The following RPL37 variants were observed in gnomAD, a reference collection of about 807,000 sequenced individuals.
RPL37 encodes the protein large ribosomal subunit protein eL37.
In RPL37, 1 loss-of-function variant was observed where a neutral mutation model predicts 14.8. The ratio of observed to expected loss-of-function variants is 0.07; its 90% CI spans 0.02 to 0.32. The LOEUF (loss-of-function observed/expected upper bound fraction) is 0.32, where lower values mean the gene tolerates loss of function less well. Among genes scored for constraint, RPL37 ranks in the 10% least tolerant of loss-of-function variants. The pLI is 1.00. For synonymous variants in RPL37, 53 were observed against 45.8 expected, an observed-to-expected ratio of 1.16 and a Z score of -0.63; for missense variants, 100 against 128.3, an observed-to-expected ratio of 0.78 and a Z score of 1.06.
intron 3 of RPL37, 178 bp downstream of exon 3, chr5:40,834,003 C>T: frequency 1.7e-6 from 1 of 596,382 alleles, no homozygotes; most frequent in Non-Finnish European, 3.0e-6. Flanking sequence ...CGTGATCGTG[C>T]CACTACACTC....
chr5:40,835,082 C>T (rs2112159573), intron 1 of RPL37, 101 bp downstream of exon 1: 1 of 1,528,528 alleles, frequency 6.5e-7, no homozygotes, highest in Non-Finnish European at 9.0e-7. Flanking sequence ...CCCACCAGTT[C>T]CCCTTATCCG....
In RPL37 at chr5:40,834,625, A is replaced by G; in HGVS notation, c.4-19T>C. 1 of 1,589,852 alleles carries G rather than the reference A, an allele frequency of 6.3e-7. No homozygotes were observed. The highest frequency in any genetic ancestry group is 2.2e-5 in the East Asian group (1 of 44,602). On this transcript the variant is annotated intron_variant, in intron 1 of 3. Coordinates refer to ENST00000274242, the MANE Select transcript of RPL37 (RefSeq NM_000997.5). ...CCTTCGTCTGCACATTAAAGGAATA[A>G]ATAGTTCTGAAACCTGGCAACTTCT...
rs956818920 is a variant in RPL37, at chr5:40,825,288, G to C, written c.*7216C>G. The stretch of plus-strand genomic sequence containing the variant: ...TTCATTGTACAATATCTTTATTAAA[G>C]AAATGCATTCCAGCAACACTGTCAG... On this transcript the variant is annotated 3_prime_UTR_variant, in exon 4 of 4. Coordinates refer to ENST00000274242, the MANE Select transcript of RPL37 (RefSeq NM_000997.5). 6.6e-6 allele frequency: 1 copy of C among 152,148 alleles called. No individual in the cohort carries two copies. Among genetic ancestry groups the C allele is most frequent in the African/African-American group, 2.4e-5 (1 of 41,432 alleles). 9.4% of individuals were successfully genotyped at this position (152,148 alleles called of 1,614,324 possible).
rs893183358 is a variant in RPL37, at chr5:40,830,472, T to G, written c.*2032A>C. On this transcript the variant is annotated 3_prime_UTR_variant, in exon 4 of 4. Transcript: ENST00000274242. Reference sequence around the variant, plus strand: ...AAGATCCACTGCTTATTTTGTTTCATTTGAAAATTTGAGTCATTAGTTCAA... The same window carrying G: ...AAGATCCACTGCTTATTTTGTTTCAGTTGAAAATTTGAGTCATTAGTTCAA... 6 of 151,174 alleles carry G rather than the reference T, an allele frequency of 4.0e-5. No individual in the cohort carries two copies. The highest frequency in any genetic ancestry group is 2.0e-4 in the Admixed American group (3 of 15,152). The allele number at this position is 151,174 out of a possible 1,614,324, so 9.4% of individuals were successfully genotyped here. A position where few individuals can be genotyped will look rare whatever the true frequency, so the allele number is the denominator to read the frequency against.
intron 1 of RPL37, chr5:40,834,965 G>A: frequency 3.0e-6 from 2 of 662,534 alleles, no homozygotes; most frequent in Non-Finnish European, 5.2e-6. Context: ...CCGAGGCAAA[G>A]GACACAATGC....
intron 3 of RPL37, among the ~76,000 whole-genome samples, chr5:40,833,375 A>G (rs757260619): frequency 2.0e-5 from 3 of 152,240 alleles, no homozygotes; most frequent in Admixed American, 6.5e-5. Flanking sequence ...CGGAAGGAGC[A>G]CCAGCTTTAT....
In RPL37 at chr5:40,829,344, T is replaced by C. The variant is rs1018608172; in HGVS notation, c.*3160A>G. On this transcript the variant is annotated 3_prime_UTR_variant, in exon 4 of 4. Coordinates refer to ENST00000274242, the MANE Select transcript of RPL37 (RefSeq NM_000997.5). ...AGAATAACTATTCCTAACATTCTGG[T>C]TTAAATCCTCTGTAATTTCTCAAGA... 6.6e-6 allele frequency: 1 copy of C among 152,192 alleles called. No individual in the cohort carries two copies. The highest frequency in any genetic ancestry group is 2.4e-5 in the African/African-American group (1 of 41,454). 9.4% of individuals were successfully genotyped at this position (152,192 alleles called of 1,614,324 possible). A position where few individuals can be genotyped will look rare whatever the true frequency, so the allele number is the denominator to read the frequency against.
At position 40,831,267 on chromosome 5, in the gene RPL37, CAAGA is replaced by C. The variant is rs1375092228; in HGVS notation, c.*1233_*1236del. 6.6e-6 allele frequency: 1 copy of C among 152,262 alleles called. No individual in the cohort carries two copies. The highest frequency in any genetic ancestry group is 2.4e-5 in the African/African-American group (1 of 41,420). The allele number at this position is 152,262 out of a possible 1,614,324, so 9.4% of individuals were successfully genotyped here. On this transcript the variant is annotated 3_prime_UTR_variant, in exon 4 of 4. Coordinates refer to ENST00000274242, the MANE Select transcript of RPL37 (RefSeq NM_000997.5). ...ATTGCGCCATTGCACTATCTGTAAACAAGAAAGGCAATGGCAATTGGACTCTAAC... is the reference window on the plus strand; with the variant it reads ...ATTGCGCCATTGCACTATCTGTAAACAAGGCAATGGCAATTGGACTCTAAC...
At position 40,826,275 on chromosome 5, in the gene RPL37, A is replaced by G. The variant is rs1579787345; in HGVS notation, c.*6229T>C. 6.6e-6 allele frequency: 1 copy of G among 152,168 alleles called. No individual in the cohort carries two copies. The highest frequency in any genetic ancestry group is 2.1e-4 in the South Asian group (1 of 4,828). The allele number at this position is 152,168 out of a possible 1,614,324, so 9.4% of individuals were successfully genotyped here. On this transcript the variant is annotated 3_prime_UTR_variant, in exon 4 of 4. Transcript: ENST00000274242. ...TTTTTCCTACTTTGGGTAACTATCA[A>G]AAGTCTCACACACACACACAACCCA...
In RPL37 at chr5:40,832,911, C is replaced by T. The variant is rs7733729; in HGVS notation, c.225-338G>A. Among the ~76,000 whole-genome samples, 1,105 of 152,250 alleles carry T rather than the reference C, an allele frequency of 7.3e-3. 11 individuals carry two copies. Among genetic ancestry groups the T allele is most frequent in the African/African-American group, 0.026 (1,072 of 41,534 alleles). ...GGTTCCCTATACTGAGAATAGATCCCAACTACTTTCACTAAGCAAGGAAAA... is the reference window on the plus strand; with the variant it reads ...GGTTCCCTATACTGAGAATAGATCCTAACTACTTTCACTAAGCAAGGAAAA... On this transcript the variant is annotated intron_variant, in intron 3 of 3. Transcript: ENST00000274242.
rs1214763294 is a variant in RPL37 at position 40,826,605 on chromosome 5, G to A, written c.*5899C>T. 1 of 152,196 alleles carries A rather than the reference G, an allele frequency of 6.6e-6. No individual in the cohort carries two copies. Among genetic ancestry groups the A allele is most frequent in the Non-Finnish European group, 1.5e-5 (1 of 68,042 alleles). 9.4% of individuals were successfully genotyped at this position (152,196 alleles called of 1,614,324 possible). ...GTGTTTCGTACAACCATTTAGCTGGGGAGCCCAGAGAGGGCTGCTGCCATG... is the reference window on the plus strand; with the variant it reads ...GTGTTTCGTACAACCATTTAGCTGGAGAGCCCAGAGAGGGCTGCTGCCATG... On this transcript the variant is annotated 3_prime_UTR_variant, in exon 4 of 4. Transcript: ENST00000274242.
At position 40,828,441 on chromosome 5, in the gene RPL37, T is replaced by C. The variant is rs915586713; in HGVS notation, c.*4063A>G. On this transcript the variant is annotated 3_prime_UTR_variant, in exon 4 of 4. Transcript: ENST00000274242. Reference sequence around the variant, plus strand: ...TGACACATAGTAGTCACTAAATAGATACTTGCTTCATGAATGAAGGGCACC... The same window carrying C: ...TGACACATAGTAGTCACTAAATAGACACTTGCTTCATGAATGAAGGGCACC... The C allele has an allele frequency of 6.6e-6, 1 of 152,160 alleles. No individual in the cohort carries two copies. The highest frequency in any genetic ancestry group is 1.5e-5 in the Non-Finnish European group (1 of 68,032). 9.4% of individuals were successfully genotyped at this position (152,160 alleles called of 1,614,324 possible).
At position 40,829,673 on chromosome 5, in the gene RPL37, G is replaced by GTATA. The variant is rs1351918656; in HGVS notation, c.*2830_*2831insTATA. On this transcript the variant is annotated 3_prime_UTR_variant, in exon 4 of 4. Transcript: ENST00000274242. Reference sequence around the variant, plus strand: ...TTTATCCATCATAGTGTGTGTGTGTGTGTGTATATATATATATATATATAT... The same window carrying GTATA: ...TTTATCCATCATAGTGTGTGTGTGTGTATATGTGTATATATATATATATATATAT... 3.6e-5 allele frequency: 2 copies of GTATA among 54,942 alleles called. No individual in the cohort carries two copies. The highest frequency in any genetic ancestry group is 6.9e-3 in the East Asian group (2 of 290). 3.4% of individuals were successfully genotyped at this position (54,942 alleles called of 1,614,324 possible).
At position 40,832,090 on chromosome 5, in the gene RPL37, A is replaced by G. The variant is rs1745652673; in HGVS notation, c.*414T>C. On this transcript the variant is annotated 3_prime_UTR_variant, in exon 4 of 4. Coordinates refer to ENST00000274242, the MANE Select transcript of RPL37 (RefSeq NM_000997.5). ...GTTTCCAGTGGTACTCCCAAGCTCTATGTGACTAATAATCATCCCCCTAGT... is the reference window on the plus strand; with the variant it reads ...GTTTCCAGTGGTACTCCCAAGCTCTGTGTGACTAATAATCATCCCCCTAGT... 5.0e-6 allele frequency: 1 copy of G among 198,136 alleles called. No individual in the cohort carries two copies. The highest frequency in any genetic ancestry group is 2.3e-5 in the African/African-American group (1 of 43,728). The allele number at this position is 198,136 out of a possible 1,614,324, so 12.3% of individuals were successfully genotyped here.
Position 40,826,966 on chromosome 5 carries a change from AAG to A in RPL37, c.*5536_*5537del, listed in dbSNP as rs1352010609. The A allele has an allele frequency of 6.6e-6, 1 of 152,126 alleles. No individual in the cohort carries two copies. The highest frequency in any genetic ancestry group is 2.4e-5 in the African/African-American group (1 of 41,390). 9.4% of individuals were successfully genotyped at this position (152,126 alleles called of 1,614,324 possible). On this transcript the variant is annotated 3_prime_UTR_variant, in exon 4 of 4. Transcript: ENST00000274242. Reference sequence around the variant, plus strand: ...CTAATTTTTTGTATTTTTAATGGAGAAGAGGTTTCACCAGGTTGCCCAGGCTG... The same window carrying A: ...CTAATTTTTTGTATTTTTAATGGAGAAGGTTTCACCAGGTTGCCCAGGCTG...
rs750772365 is a variant in RPL37 at position 40,834,478 on chromosome 5, C to A, written c.132G>T (p.Lys44Asn). The change falls in exon 2 of 4, where the codon AAG becomes AAT. Residue 44 changes from lysine to asparagine, a missense_variant. Transcript: ENST00000274242. ...CTGAAAAATGTTACTTACACTTTCTCTTGCGCTTGGCAGGGTAGCCACATT... is the reference window on the plus strand; with the variant it reads ...CTGAAAAATGTTACTTACACTTTCTATTGCGCTTGGCAGGGTAGCCACATT... ...CGKCGYPAKRKRKYNWSAKAK... is the reference protein window; with the variant it reads ...CGKCGYPAKRNRKYNWSAKAK... 6.2e-7 allele frequency: 1 copy of A among 1,612,946 alleles called. No individual in the cohort carries two copies. The highest frequency in any genetic ancestry group is 8.5e-7 in the Non-Finnish European group (1 of 1,179,766).
chr5:40,826,225 T>A lies in RPL37; in HGVS notation c.*6279A>T, dbSNP rs867983805. 3 of 152,222 alleles carry A rather than the reference T, an allele frequency of 2.0e-5. No homozygotes were observed. The highest frequency in any genetic ancestry group is 4.4e-5 in the Non-Finnish European group (3 of 68,036). 9.4% of individuals were successfully genotyped at this position (152,222 alleles called of 1,614,324 possible). On this transcript the variant is annotated 3_prime_UTR_variant, in exon 4 of 4. Coordinates refer to ENST00000274242, the MANE Select transcript of RPL37 (RefSeq NM_000997.5). ...CTAGATGTTTATTTGCAGAGCTACA[T>A]AAATATAACCTTATTAGAATGGGAT...
rs1745524762 is a variant in RPL37, at chr5:40,826,652, T to C, written c.*5852A>G. 6.6e-6 allele frequency: 1 copy of C among 152,216 alleles called. No individual in the cohort carries two copies. The highest frequency in any genetic ancestry group is 1.5e-5 in the Non-Finnish European group (1 of 68,064). 9.4% of individuals were successfully genotyped at this position (152,216 alleles called of 1,614,324 possible). ...CATGCGATCTCCCTGAAATTGTTTTTTTCAGGCCAGGGATGTGAGAATGTT... is the reference window on the plus strand; with the variant it reads ...CATGCGATCTCCCTGAAATTGTTTTCTTCAGGCCAGGGATGTGAGAATGTT... On this transcript the variant is annotated 3_prime_UTR_variant, in exon 4 of 4. Transcript: ENST00000274242.
At position 40,828,664 on chromosome 5, in the gene RPL37, A is replaced by C. The variant is rs1314456054; in HGVS notation, c.*3840T>G. The C allele has an allele frequency of 1.3e-5, 2 of 152,168 alleles. No individual in the cohort carries two copies. Among genetic ancestry groups the C allele is most frequent in the Admixed American group, 1.3e-4 (2 of 15,274 alleles). 9.4% of individuals were successfully genotyped at this position (152,168 alleles called of 1,614,324 possible). ...AAATTTTGCCAAATCCAGAATTTTA[A>C]AATATATCTTCATTCTCTTTGGCCT... is the stretch of plus-strand genomic sequence containing the variant. On this transcript the variant is annotated 3_prime_UTR_variant, in exon 4 of 4. Transcript: ENST00000274242.
Sources: gnomAD v4.1 joint callset for allele counts (sites outside exome capture counted in the v4.1 genomes callset) on GRCh38, gnomAD v4.1.1 for gene constraint, MANE v1.5 for transcripts, NCBI Gene and HGNC (gene_info 2026-07-23, HGNC 2026-07-21) for gene names.